MACROD2: variants seen among roughly 807,000 people sequenced by gnomAD.
MACROD2 encodes ADP-ribose glycohydrolase MACROD2.
In MACROD2, 36 loss-of-function variants were observed where a neutral mutation model predicts 70.4. The observed-to-expected ratio is 0.51, with a 90% confidence interval of 0.39 to 0.68. The LOEUF is 0.68. Ranked by LOEUF, MACROD2 falls within the 30% of genes least tolerant of loss-of-function variation. The probability of loss-of-function intolerance (pLI) is 0.00; values close to 1 mark genes in which losing one functional copy is unlikely to be tolerated. For synonymous variants in MACROD2, 172 were observed against 178.8 expected (o/e 0.96, Z 0.30); for missense variants, 496 against 538.4 (o/e 0.92, Z 0.78).
chr20:15,542,064 A>T (rs1300598270), intron 8 of MACROD2, among the ~76,000 whole-genome samples: 3 of 152,212 alleles, frequency 2.0e-5, no homozygotes, highest in African/African-American at 7.2e-5. Flanking sequence ...CATGCAGGTG[A>T]CAGTCTTCTC....
At chr20:15,250,338 C>A (rs1315513093) in intron 6 of MACROD2, among the ~76,000 whole-genome samples, 1 of 152,160 alleles carries the variant, frequency 6.6e-6, no homozygotes, top group Non-Finnish European at 1.5e-5. Context: ...TACTATACCC[C>A]CACTGGTGAT....
intron 16 of MACROD2, among the ~76,000 whole-genome samples, chr20:16,042,205 G>A (rs561268997): frequency 1.3e-4 from 20 of 152,028 alleles, no homozygotes; most frequent in African/African-American, 3.6e-4. Context: ...TAAGCCCATC[G>A]GCTTATATTG....
chr20:15,932,748 C>T (rs1380717308), intron 10 of MACROD2, among the ~76,000 whole-genome samples: 1 of 152,160 alleles, frequency 6.6e-6, no homozygotes, highest in Non-Finnish European at 1.5e-5. Flanking sequence ...AGTTATTTTT[C>T]AGATAGCTAT....
chr20:14,028,082 C>T (rs2148629611), intron 2 of MACROD2, among the ~76,000 whole-genome samples: 1 of 152,314 alleles, frequency 6.6e-6, no homozygotes, highest in East Asian at 1.9e-4. Context: ...CTGACTGGGG[C>T]TGATGCCTTT....
intron 5 of MACROD2, among the ~76,000 whole-genome samples, chr20:15,043,280 A>C (rs2075368808): frequency 6.6e-6 from 1 of 152,256 alleles, no homozygotes; most frequent in Non-Finnish European, 1.5e-5. Flanking sequence ...TTCTCTTGAA[A>C]AATGGGAAAT....
At chr20:14,209,490 G>T (rs1427979344) in intron 3 of MACROD2, among the ~76,000 whole-genome samples, 2 of 152,102 alleles carry the variant, frequency 1.3e-5, no homozygotes, top group African/African-American at 4.8e-5. Context: ...CCATTTTCAT[G>T]TGATATAACA....
chr20:15,930,152 A>G (rs1206520204), intron 10 of MACROD2, among the ~76,000 whole-genome samples: 5 of 152,118 alleles, frequency 3.3e-5, no homozygotes, highest in African/African-American at 1.2e-4. Flanking sequence ...GGCTTTTAAA[A>G]TCCCTTCTGG....
intron 8 of MACROD2, among the ~76,000 whole-genome samples, chr20:15,603,641 G>A (rs2048854909): frequency 6.6e-6 from 1 of 152,136 alleles, no homozygotes; most frequent in South Asian, 2.1e-4. Flanking sequence ...GGATGCAGGA[G>A]CCATGGGCTT....
intron 4 of MACROD2, among the ~76,000 whole-genome samples, chr20:14,682,505 T>G (rs1049126058): frequency 1.3e-5 from 2 of 151,750 alleles, no homozygotes; most frequent in Non-Finnish European, 2.9e-5. Context: ...CATATATATA[T>G]GTACGTGTGT....
intron 5 of MACROD2, among the ~76,000 whole-genome samples, chr20:14,906,241 C>G (rs2073957581): frequency 6.6e-6 from 1 of 152,114 alleles, no homozygotes; most frequent in Non-Finnish European, 1.5e-5. Context: ...TGCCTATAAT[C>G]CTAGCACTTT....
intron 8 of MACROD2, among the ~76,000 whole-genome samples, chr20:15,700,968 A>G (rs566113160): frequency 5.8e-4 from 89 of 152,336 alleles, no homozygotes; most frequent in African/African-American, 2.1e-3. Flanking sequence ...AGAACCTATT[A>G]AAATACAGAT....
intron 5 of MACROD2, among the ~76,000 whole-genome samples, chr20:14,754,244 ATGGT>A (rs2071911711): frequency 6.6e-6 from 1 of 152,066 alleles, no homozygotes; most frequent in Non-Finnish European, 1.5e-5. Flanking sequence ...CTTCACCGGG[ATGGT>A]TGTTATTGCT....
At chr20:14,061,430 G>T (rs1569140633) in intron 2 of MACROD2, among the ~76,000 whole-genome samples, 1 of 151,900 alleles carries the variant, frequency 6.6e-6, no homozygotes, top group Non-Finnish European at 1.5e-5. Flanking sequence ...TTCAGGACTG[G>T]TGCTTCTAAT....
rs551475862 is a variant in MACROD2 at position 14,819,628 on chromosome 20, A to T, written c.418+134669A>T. On this transcript the variant is annotated intron_variant, in intron 5 of 17. Transcript: ENST00000684519. ...TGTTGTGATGGGAAATTCAGTTGAT[A>T]AGAGAGCCCGAAGCCAGAAGACCTC... Among the ~76,000 whole-genome samples the T allele has an allele frequency of 2.0e-5, 3 of 152,042 alleles. No individual in the cohort carries two copies. The East Asian group carries it at 5.8e-4, about 29-fold the overall frequency.
At chr20:14,457,534 T>A (rs973114070) in intron 3 of MACROD2, among the ~76,000 whole-genome samples, 39 of 152,152 alleles carry the variant, frequency 2.6e-4, no homozygotes, top group African/African-American at 9.2e-4. Context: ...ATACTTCTCA[T>A]CTTAGTTGCA....
chr20:15,969,607 G>A (rs933726497), intron 13 of MACROD2, among the ~76,000 whole-genome samples: 1 of 152,118 alleles, frequency 6.6e-6, no homozygotes, highest in Non-Finnish European at 1.5e-5. Flanking sequence ...AAGAAGATTT[G>A]TGAACTAGAA....
At chr20:15,635,186 A>G (rs1326540855) in intron 8 of MACROD2, among the ~76,000 whole-genome samples, 1 of 152,230 alleles carries the variant, frequency 6.6e-6, no homozygotes, top group Non-Finnish European at 1.5e-5. Context: ...TCCTGCAGTC[A>G]ACTTTGACTG....
At chr20:14,192,253 A>G (rs1261752365) in intron 3 of MACROD2, among the ~76,000 whole-genome samples, 1 of 152,006 alleles carries the variant, frequency 6.6e-6, no homozygotes, top group Non-Finnish European at 1.5e-5. Context: ...ACTAACCTAA[A>G]CATTTCTTGA....
At chr20:15,233,687 TAATC>T (rs2076979055) in intron 6 of MACROD2, among the ~76,000 whole-genome samples, 1 of 151,914 alleles carries the variant, frequency 6.6e-6, no homozygotes, top group African/African-American at 2.4e-5. Context: ...AAAGATAAAT[TAATC>T]AACAAATCAA....
Sources: allele counts gnomAD v4.1 joint callset (sites outside exome capture counted in the v4.1 genomes callset), GRCh38; gene constraint gnomAD v4.1.1; transcripts MANE v1.5; gene names NCBI Gene and HGNC (gene_info 2026-07-23, HGNC 2026-07-21).